Variants in HEXA observed in about 807,000 individuals in gnomAD.
HEXA encodes the protein beta-hexosaminidase subunit alpha.
In HEXA, 54 loss-of-function variants were observed where a neutral mutation model predicts 73.3. The ratio of observed to expected loss-of-function variants is 0.74; its 90% CI spans 0.59 to 0.92. The LOEUF (loss-of-function observed/expected upper bound fraction) is 0.92. HEXA is among the 40% of genes least tolerant of loss of function. HEXA has a pLI of 0.00. For synonymous variants in HEXA, 230 were observed against 246.9 expected, an observed-to-expected ratio of 0.93 and a Z score of 0.64; for missense variants, 649 against 653.0, an observed-to-expected ratio of 0.99 and a Z score of 0.07.
chr15:72,355,675 A>C, intron 2 of HEXA, 51 bp from the exon 3 acceptor site: 23 of 1,183,110 alleles, frequency 1.9e-5, no homozygotes, highest in Non-Finnish European at 2.8e-5. Context: ...TTCTATTCTC[A>C]GATTATAGAC....
At chr15:72,344,273 CTGG>C in intron 13 of HEXA, 133 bp from the exon 14 acceptor site, 1 of 703,686 alleles carries the variant, frequency 1.4e-6, no homozygotes, top group Non-Finnish European at 2.6e-6. Flanking sequence ...CCAAATGCAC[CTGG>C]GAATCTCAAT....
In HEXA at chr15:72,357,194, C is replaced by T. The variant is rs546295278; in HGVS notation, c.254-577G>A. On this transcript the variant is annotated intron_variant, in intron 1 of 13. Transcript: ENST00000268097. ...AAGATTGGCATATTAAGTAGTACTG[C>T]TCTTGAGGGCTCCAGATGAAGGGTT... is the stretch of plus-strand genomic sequence containing the variant. The T allele has an allele frequency of 3.9e-5, 7 of 181,608 alleles. No homozygotes were observed. In the East Asian group the frequency reaches 9.0e-4, roughly 23 times the overall value. 11.2% of individuals were successfully genotyped at this position (181,608 alleles called of 1,614,324 possible).
At chr15:72,344,632 A>G (rs2088586574) in intron 13 of HEXA, among the ~76,000 whole-genome samples, 1 of 152,118 alleles carries the variant, frequency 6.6e-6, no homozygotes, top group Non-Finnish European at 1.5e-5. Flanking sequence ...CAATCTCCTT[A>G]GGGGACCTCT....
chr15:72,375,251 G>T (rs1175140151), intron 1 of HEXA, among the ~76,000 whole-genome samples: 1 of 152,090 alleles, frequency 6.6e-6, no homozygotes, highest in Non-Finnish European at 1.5e-5. Context: ...GCCACGCCTG[G>T]CTAATTTTTT....
chr15:72,355,238 C>T, intron 3 of HEXA: 1 of 369,560 alleles, frequency 2.7e-6, no homozygotes, highest in Non-Finnish European at 5.2e-6. Context: ...ATAAAAAAAG[C>T]TTCCTGGCTG....
intron 1 of HEXA, among the ~76,000 whole-genome samples, chr15:72,373,041 G>C (rs1364920953): frequency 1.3e-5 from 2 of 152,206 alleles, no homozygotes; most frequent in African/African-American, 4.8e-5. Flanking sequence ...TGAGGTGGGA[G>C]AATTGCTTGA....
Position 72,353,175 on chromosome 15 carries a change from A to C in HEXA, c.463T>G (p.Phe155Val). 1 of 1,567,508 alleles carries C rather than the reference A, an allele frequency of 6.4e-7. No individual in the cohort carries two copies. ...LVWKSAEGTF[F>V]INKTEIEDFP... ...TCCTCAATCTCAGTCTTGTTGATAA[A>C]GAACTGTGCAGAACAAACATTGAAC... The change falls in exon 5 of 14, where the codon TTT becomes GTT. Residue 155 changes from phenylalanine (F) to valine (V), a missense_variant. Coordinates refer to ENST00000268097, the MANE Select transcript of HEXA (RefSeq NM_000520.6).
intron 2 of HEXA, among the ~76,000 whole-genome samples, 190 bp downstream of exon 2, chr15:72,356,335 C>T (rs747840187): frequency 3.9e-5 from 6 of 152,188 alleles, no homozygotes; most frequent in Non-Finnish European, 5.9e-5. Context: ...CCACAGCCAA[C>T]CTTTAGCACT....
intron 1 of HEXA, chr15:72,370,643 G>A: frequency 5.1e-6 from 2 of 392,644 alleles, no homozygotes; most frequent in Non-Finnish European, 8.9e-6. Context: ...GTTGCTGTAA[G>A]CCGTGATCAC....
chr15:72,347,683 C>A lies in HEXA; in HGVS notation c.1146+3G>T. On this transcript the variant is annotated splice_donor_region_variant and intron_variant, in intron 10 of 13. Coordinates refer to ENST00000268097, the MANE Select transcript of HEXA (RefSeq NM_000520.6). Reference sequence around the variant, plus strand: ...GCTTCTTCTCTTCTCTGCCCCGGCTCACCTTTACTTTATTATCAAACACCT... The same window carrying A: ...GCTTCTTCTCTTCTCTGCCCCGGCTAACCTTTACTTTATTATCAAACACCT... 1 of 1,613,888 alleles carries A rather than the reference C, an allele frequency of 6.2e-7. No homozygotes were observed. Among genetic ancestry groups the A allele is most frequent in the Non-Finnish European group, 8.5e-7 (1 of 1,179,746 alleles).
chr15:72,349,179 T>C lies in HEXA; in HGVS notation c.886A>G (p.Asn296Asp). The change falls in exon 8 of 14, where the codon AAT becomes GAT. Residue 296 changes from asparagine to aspartate, a missense_variant. Transcript: ENST00000268097. Reference protein sequence around the residue: ...TFGPVNPSLNNTYEFMSTFFL... With the variant: ...TFGPVNPSLNDTYEFMSTFFL... ...AATGTGCTCATGAACTCATAGGTAT[T>C]ATTGAGACTGGGATTCACTGGTCCA... 6.2e-7 allele frequency: 1 copy of C among 1,613,680 alleles called. No individual in the cohort carries two copies. Among genetic ancestry groups the C allele is most frequent in the Non-Finnish European group, 8.5e-7 (1 of 1,179,600 alleles).
intron 1 of HEXA, among the ~76,000 whole-genome samples, chr15:72,368,055 C>T: frequency 6.6e-6 from 1 of 152,118 alleles, no homozygotes; most frequent in Non-Finnish European, 1.5e-5. Flanking sequence ...ATTTAATATT[C>T]CTTGGACCTA....
chr15:72,373,726 C>T (rs1018754982), intron 1 of HEXA, among the ~76,000 whole-genome samples: 2 of 152,106 alleles, frequency 1.3e-5, no homozygotes, highest in African/African-American at 2.4e-5. Context: ...AGGTATGGCG[C>T]GGTGGCTCAT....
chr15:72,347,285 T>C (rs1170321176), intron 10 of HEXA, among the ~76,000 whole-genome samples: 1 of 149,950 alleles, frequency 6.7e-6, no homozygotes, highest in Admixed American at 6.7e-5. Context: ...GGCCTTTGGT[T>C]TTTTTGAGGC....
intron 1 of HEXA, among the ~76,000 whole-genome samples, chr15:72,368,793 C>T (rs2088949893): frequency 6.6e-6 from 1 of 152,188 alleles, no homozygotes; most frequent in Admixed American, 6.5e-5. Context: ...TGAATCTCCC[C>T]CAACCTAGGA....
chr15:72,352,496 T>C (rs2088712611), intron 5 of HEXA, among the ~76,000 whole-genome samples: 1 of 151,812 alleles, frequency 6.6e-6, no homozygotes, highest in South Asian at 2.1e-4. Flanking sequence ...CAAATATAGT[T>C]AGCTCTGCCA....
intron 1 of HEXA, among the ~76,000 whole-genome samples, chr15:72,360,746 T>C (rs879551836): frequency 8.5e-5 from 13 of 152,196 alleles, no homozygotes; most frequent in African/African-American, 1.2e-4. Flanking sequence ...ATTCAAATCT[T>C]GGTTCTAACA....
chr15:72,365,595 A>G (rs2088906462), intron 1 of HEXA, among the ~76,000 whole-genome samples: 1 of 152,124 alleles, frequency 6.6e-6, no homozygotes, highest in Admixed American at 6.6e-5. Flanking sequence ...TTATAATAAT[A>G]GTTTCCTTCA....
Position 72,344,029 on chromosome 15 carries a change from C to T in HEXA, c.*48G>A. On this transcript the variant is annotated 3_prime_UTR_variant, in exon 14 of 14. Coordinates refer to ENST00000268097, the MANE Select transcript of HEXA (RefSeq NM_000520.6). ...TGGCCAGGATGCAGTGGAAGCCTGG[C>T]TCCACTACCATTCACCTACAGCCAG... 1 of 1,498,812 alleles carries T rather than the reference C, an allele frequency of 6.7e-7. No homozygotes were observed. Among genetic ancestry groups the T allele is most frequent in the South Asian group, 1.1e-5 (1 of 88,610 alleles). 92.8% of individuals were successfully genotyped at this position (1,498,812 alleles called of 1,614,324 possible). A position where few individuals can be genotyped will look rare whatever the true frequency, so the allele number is the denominator to read the frequency against.
Sources: gnomAD v4.1 joint callset for allele counts (sites outside exome capture counted in the v4.1 genomes callset) on GRCh38, gnomAD v4.1.1 for gene constraint, MANE v1.5 for transcripts, NCBI Gene and HGNC (gene_info 2026-07-23, HGNC 2026-07-21) for gene names.